GCC2: variants seen among roughly 807,000 people sequenced by gnomAD.
GCC2 encodes GRIP and coiled-coil domain-containing protein 2.
GCC2 carries 120 observed loss-of-function variants against 210.6 expected under a neutral mutation model. The observed-to-expected ratio is 0.57, with a 90% CI of 0.49 to 0.66. GCC2 has a LOEUF of 0.66. GCC2 is among the 30% of genes least tolerant of loss of function. The pLI is 0.00. For missense variants in GCC2, 1,868 were observed against 1,871.9 expected (o/e 1.00, Z 0.04); for synonymous variants, 703 against 652.7 (o/e 1.08, Z -1.17).
At chr2:108,489,197 C>A (rs996114822) in intron 17 of GCC2, among the ~76,000 whole-genome samples, 43 of 152,298 alleles carry the variant, frequency 2.8e-4, no homozygotes, top group African/African-American at 1.0e-3. Flanking sequence ...GTCTGACATA[C>A]CATTCTTATA....
chr2:108,473,613 A>G (rs553478220), intron 7 of GCC2, among the ~76,000 whole-genome samples: 25 of 152,190 alleles, frequency 1.6e-4, no homozygotes, highest in Non-Finnish European at 3.2e-4. Flanking sequence ...ACGAAGACTT[A>G]GAAGTATGTA....
At chr2:108,465,818 A>G (rs1680850251) in intron 4 of GCC2, among the ~76,000 whole-genome samples, 1 of 152,160 alleles carries the variant, frequency 6.6e-6, no homozygotes, top group Non-Finnish European at 1.5e-5. Flanking sequence ...AGCGGTGTAT[A>G]AGTGTTCCCT....
At chr2:108,497,396 A>G (rs1418234558) in intron 21 of GCC2, among the ~76,000 whole-genome samples, 4 of 152,230 alleles carry the variant, frequency 2.6e-5, no homozygotes, top group African/African-American at 7.2e-5. Context: ...TATTACAGGC[A>G]TGAGCCACTG....
chr2:108,504,766 A>G (rs1051086410), intron 22 of GCC2, among the ~76,000 whole-genome samples: 9 of 152,136 alleles, frequency 5.9e-5, no homozygotes, highest in South Asian at 4.1e-4. Flanking sequence ...TCATTTTTCT[A>G]TATCTTCTTT....
intron 22 of GCC2, among the ~76,000 whole-genome samples, chr2:108,506,288 T>C (rs975038925): frequency 9.2e-5 from 14 of 152,180 alleles, no homozygotes; most frequent in African/African-American, 3.4e-4. Context: ...TGCTCAGCAA[T>C]AAAAAAGAAT....
intron 9 of GCC2, among the ~76,000 whole-genome samples, chr2:108,478,870 C>T (rs1681683705): frequency 6.6e-6 from 1 of 152,140 alleles, no homozygotes; most frequent in Non-Finnish European, 1.5e-5. Context: ...AAAGAAAAGA[C>T]CCTAATGATA....
intron 22 of GCC2, among the ~76,000 whole-genome samples, chr2:108,506,198 A>G (rs1310995587): frequency 6.6e-6 from 1 of 152,254 alleles, no homozygotes; most frequent in Non-Finnish European, 1.5e-5. Context: ...ACTTTCTTTA[A>G]AATTGCTAAA....
intron 4 of GCC2, among the ~76,000 whole-genome samples, chr2:108,465,186 C>T (rs2104435707): frequency 6.6e-6 from 1 of 152,258 alleles, no homozygotes; most frequent in African/African-American, 2.4e-5. Flanking sequence ...AATGTGTTTT[C>T]CGTCACTTCT....
intron 4 of GCC2, among the ~76,000 whole-genome samples, chr2:108,463,151 G>A (rs575583097): frequency 6.6e-6 from 1 of 151,904 alleles, no homozygotes; most frequent in Non-Finnish European, 1.5e-5. Flanking sequence ...ATCTCACTGA[G>A]CTCCTTTAGT....
At position 108,508,319 on chromosome 2, in the gene GCC2, T is replaced by C. The variant is rs1683307059; in HGVS notation, c.*689T>C. 2.8e-5 allele frequency: 4 copies of C among 140,630 alleles called. No individual in the cohort carries two copies. The Admixed American group carries it at 3.2e-4, about 11-fold the overall frequency. 8.7% of individuals were successfully genotyped at this position (140,630 alleles called of 1,614,324 possible). A position where few individuals can be genotyped will look rare whatever the true frequency, so the allele number is the denominator to read the frequency against. ...TATGAAGTAAATATGCTGCAGTTAA[T>C]TATGCTAAGTTAAAATACAGTTTAG... On this transcript the variant is annotated 3_prime_UTR_variant, in exon 23 of 23. Coordinates refer to ENST00000309863, the MANE Select transcript of GCC2 (RefSeq NM_181453.4).
At chr2:108,481,922 T>C (rs1009355954) in intron 10 of GCC2, 106 bp downstream of exon 10, 18 of 781,380 alleles carry the variant, frequency 2.3e-5, no homozygotes, top group Non-Finnish European at 3.3e-5. Context: ...CAGAATTTAT[T>C]CCCCCCCCAC....
intron 7 of GCC2, 49 bp downstream of exon 7, chr2:108,472,948 C>G (rs2243888): frequency 0.62 from 645,715 of 1,046,830 alleles, 203,854 homozygotes; most frequent in East Asian, 0.93. Flanking sequence ...ACAGATTCTT[C>G]TTAGTGTTAG....
intron 17 of GCC2, among the ~76,000 whole-genome samples, 177 bp from the exon 18 acceptor site, chr2:108,489,661 C>G (rs1682311681): frequency 7.2e-6 from 1 of 139,728 alleles, no homozygotes; most frequent in African/African-American, 2.5e-5. Context: ...GATTTTAAAT[C>G]TGGCTATAAT....
chr2:108,485,891 C>A lies in GCC2; in HGVS notation c.3775C>A (p.Gln1259Lys). Residue 1259 changes from glutamine (Q) to lysine (K), a missense_variant, in exon 15 of 23, where the codon CAA (glutamine) becomes AAA (lysine). Gln to Lys is a moderately conservative substitution (Grantham distance 53). This residue lies in a region of GCC2 where 1,847 missense variants were observed against 1,765.2 expected (regional missense o/e 1.05). Coordinates refer to ENST00000309863, the MANE Select transcript of GCC2 (RefSeq NM_181453.4). ...AGGTGAGCTGGAGGCAAGCCAGCAG[C>A]AAGTAGAAGTCTATAAAGTAAGGGT... ...LKGELEASQQ[Q>K]VEVYKIQLAE... 6.4e-7 allele frequency: 1 copy of A among 1,570,252 alleles called. No individual in the cohort carries two copies. Among genetic ancestry groups the A allele is most frequent in the Non-Finnish European group, 8.7e-7 (1 of 1,150,178 alleles).
chr2:108,468,988 TGAACGTCTG>T lies in GCC2; in HGVS notation c.228_236del (p.Glu76_Leu78del). On this transcript the variant is annotated inframe_deletion, in exon 5 of 23. Transcript: ENST00000309863. ...ATCTTGTTCTAAAATAGGCATTAAC[TGAACGTCTG>T]GATGCTCTTCTTCTGGAAAAAGCAG... 1.9e-6 allele frequency: 3 copies of T among 1,608,404 alleles called. No homozygotes were observed. Among genetic ancestry groups the T allele is most frequent in the Non-Finnish European group, 1.7e-6 (2 of 1,175,012 alleles).
intron 4 of GCC2, among the ~76,000 whole-genome samples, chr2:108,461,704 A>G (rs1402355068): frequency 2.7e-5 from 4 of 150,166 alleles, no homozygotes; most frequent in Non-Finnish European, 1.5e-5. Context: ...GGGTTTCACC[A>G]TGTTGGCCAG....
At chr2:108,464,395 G>A (rs1436321375) in intron 4 of GCC2, among the ~76,000 whole-genome samples, 1 of 152,208 alleles carries the variant, frequency 6.6e-6, no homozygotes, top group Non-Finnish European at 1.5e-5. Flanking sequence ...TGGAGTGGAG[G>A]CCATGGCACT....
At chr2:108,496,328 A>G (rs1471854080) in intron 20 of GCC2, 1 of 152,828 alleles carries the variant, frequency 6.5e-6, no homozygotes, top group Non-Finnish European at 1.5e-5. Context: ...GGAATCTGTC[A>G]TCTCCCTGAA....
Position 108,472,895 on chromosome 2 carries a change from A to T in GCC2, c.2856A>T (p.Lys952Asn). ...PLSSVKELEE[K>N]IENLEKECKE... ...CTTCAGTAAAAGAGTTGGAAGAAAA[A>T]ATAGGTAACTATGGTTTTGCAGATG... The change falls in exon 7 of 23, where the codon AAA becomes AAT. Residue 952 changes from lysine (K) to asparagine (N), a missense_variant. Around this residue, in one of 3 missense-constraint regions of GCC2, gnomAD observed 1,847 missense variants for 1,765.2 expected, o/e 1.05. Coordinates refer to ENST00000309863, the MANE Select transcript of GCC2 (RefSeq NM_181453.4). 1 of 1,551,934 alleles carries T rather than the reference A, an allele frequency of 6.4e-7. No individual in the cohort carries two copies.
Sources: allele counts gnomAD v4.1 joint callset (sites outside exome capture counted in the v4.1 genomes callset), GRCh38; gene constraint gnomAD v4.1.1; regional missense constraint gnomAD v4.1.1; transcripts MANE v1.5; gene names NCBI Gene and HGNC (gene_info 2026-07-23, HGNC 2026-07-21).